Variants in AHCY observed in about 807,000 individuals in gnomAD.
The protein encoded by AHCY is S-adenosyl-L-homocysteine hydrolase.
AHCY carries 24 observed loss-of-function variants against 45.4 expected under a neutral mutation model. That is an observed-to-expected ratio of 0.53 (90% CI 0.38 to 0.74). AHCY has a LOEUF of 0.74. Ranked by LOEUF, AHCY falls within the 30% of genes least tolerant of loss-of-function variation. The probability of loss-of-function intolerance (pLI) is 0.00; values close to 1 mark genes in which losing one functional copy is unlikely to be tolerated. For missense variants in AHCY, 449 were observed against 594.1 expected (o/e 0.76, Z 2.54); for synonymous variants, 245 against 235.1 (o/e 1.04, Z -0.39).
At chr20:34,287,174 T>C (rs575112612) in intron 8 of AHCY, among the ~76,000 whole-genome samples, 12 of 152,254 alleles carry the variant, frequency 7.9e-5, no homozygotes, top group Admixed American at 2.0e-4. Flanking sequence ...CCATCAGGCA[T>C]TGATTGATGC....
chr20:34,287,451 T>C (rs2036226300), intron 8 of AHCY, among the ~76,000 whole-genome samples: 1 of 147,530 alleles, frequency 6.8e-6, no homozygotes, highest in South Asian at 2.2e-4. Context: ...AGTACAGTGG[T>C]GTGATCTCAG....
chr20:34,278,455 C>T (rs2035929809), downstream of AHCY, among the ~76,000 whole-genome samples: 1 of 152,156 alleles, frequency 6.6e-6, no homozygotes, highest in African/African-American at 2.4e-5. Context: ...ACCTCTCTGG[C>T]TTAGAAGAAC....
Position 34,280,874 on chromosome 20 carries a change from T to A in AHCY, c.*160A>T. On this transcript the variant is annotated 3_prime_UTR_variant, in exon 10 of 10. Coordinates refer to ENST00000217426, the MANE Select transcript of AHCY (RefSeq NM_000687.4). ...TCCCGCTGCCACATTTGGAACAGTA[T>A]GACGGCTGCAGCAGAGGCCAAAAAC... is the stretch of plus-strand genomic sequence containing the variant. The A allele has an allele frequency of 9.1e-7, 1 of 1,095,972 alleles. No individual in the cohort carries two copies. Among genetic ancestry groups the A allele is most frequent in the Non-Finnish European group, 1.3e-6 (1 of 755,034 alleles). 67.9% of individuals were successfully genotyped at this position (1,095,972 alleles called of 1,614,324 possible).
intron 3 of AHCY, chr20:34,293,844 G>A (rs1004523815): frequency 1.7e-6 from 1 of 585,258 alleles, no homozygotes; most frequent in Middle Eastern, 3.9e-4. Flanking sequence ...CCAATCATAA[G>A]ATCTTGCTCT....
downstream of AHCY, among the ~76,000 whole-genome samples, chr20:34,279,987 G>A (rs1276052663): frequency 1.3e-5 from 2 of 152,126 alleles, no homozygotes; most frequent in East Asian, 1.9e-4. Flanking sequence ...AACTACTCAG[G>A]AGGCTGAGGC....
chr20:34,253,364 C>G, the AHCY span, among the ~76,000 whole-genome samples: 1 of 151,880 alleles, frequency 6.6e-6, no homozygotes, highest in African/African-American at 2.4e-5. Context: ...CCTCAGCCTC[C>G]CAAAGTGCTG....
At position 34,280,754 on chromosome 20, in the gene AHCY, G is replaced by A. The variant is rs1304966236; in HGVS notation, c.*280C>T. 1 of 488,978 alleles carries A rather than the reference G, an allele frequency of 2.0e-6. No individual in the cohort carries two copies. Among genetic ancestry groups the A allele is most frequent in the East Asian group, 4.0e-5 (1 of 25,192 alleles). The allele number at this position is 488,978 out of a possible 1,614,324, so 30.3% of individuals were successfully genotyped here. A position where few individuals can be genotyped will look rare whatever the true frequency, so the allele number is the denominator to read the frequency against. Reference sequence around the variant, plus strand: ...CACTACTGACTTCCAGGCTAAGGAAGGACTGACTTAGTGAGCTGTTCCAAG... The same window carrying A: ...CACTACTGACTTCCAGGCTAAGGAAAGACTGACTTAGTGAGCTGTTCCAAG... On this transcript the variant is annotated 3_prime_UTR_variant, in exon 10 of 10. Coordinates refer to ENST00000217426, the MANE Select transcript of AHCY (RefSeq NM_000687.4).
chr20:34,273,973 A>C, the AHCY span, among the ~76,000 whole-genome samples: 2 of 59,294 alleles, frequency 3.4e-5, no homozygotes, highest in Non-Finnish European at 6.8e-5. Context: ...GGGAGGTGGC[A>C]CCTTCTAATG....
At chr20:34,260,447 C>G in the AHCY span, 2 of 1,614,176 alleles carry the variant, frequency 1.2e-6, no homozygotes, top group Non-Finnish European at 1.7e-6. Flanking sequence ...CAGCCACCTG[C>G]CACCTGAGGA....
the AHCY span, among the ~76,000 whole-genome samples, chr20:34,235,837 GAA>G: frequency 1.5e-4 from 9 of 59,750 alleles, no homozygotes; most frequent in African/African-American, 1.8e-3. Context: ...AAGAAAGAAA[GAA>G]AGAAGGAAGG....
the AHCY span, among the ~76,000 whole-genome samples, chr20:34,258,085 A>G: frequency 6.6e-6 from 1 of 152,112 alleles, no homozygotes; most frequent in Admixed American, 6.6e-5. Context: ...CAGAGGTTGC[A>G]GTAAGCCAAG....
At chr20:34,256,331 T>A in the AHCY span, among the ~76,000 whole-genome samples, 1 of 152,198 alleles carries the variant, frequency 6.6e-6, no homozygotes, top group African/African-American at 2.4e-5. Context: ...GCCTTGGTGG[T>A]AGTGGTCCCC....
upstream of AHCY, among the ~76,000 whole-genome samples, chr20:34,307,725 G>A (rs945153533): frequency 6.6e-6 from 1 of 152,222 alleles, no homozygotes; most frequent in East Asian, 1.9e-4. Flanking sequence ...AAAATAAAAG[G>A]TTTAATTACA....
intron 1 of AHCY, chr20:34,302,421 G>A (rs1443522209): frequency 5.5e-6 from 1 of 182,868 alleles, no homozygotes; most frequent in Admixed American, 6.5e-5. Flanking sequence ...TGCGCTCAGA[G>A]ATCTAGATGG....
At chr20:34,302,490 T>TCAGA in intron 1 of AHCY, 1 of 618,148 alleles carries the variant, frequency 1.6e-6, no homozygotes, top group Non-Finnish European at 2.0e-6. Context: ...AAGTTACCTC[T>TCAGA]GCCTCAGGAT....
At chr20:34,262,705 C>A in the AHCY span, 1 of 990,604 alleles carries the variant, frequency 1.0e-6, no homozygotes, top group Non-Finnish European at 1.6e-6. Context: ...CAGTGTGACT[C>A]ATCCAGCACG....
At position 34,280,346 on chromosome 20, in the gene AHCY, C is replaced by G. The variant is rs1394048581; in HGVS notation, c.*688G>C. ...TAGGCCAAATTATTCTCTTTTTGACCCAGGGTTGTGAAAGGAACCATCTGG... is the reference window on the plus strand; with the variant it reads ...TAGGCCAAATTATTCTCTTTTTGACGCAGGGTTGTGAAAGGAACCATCTGG... On this transcript the variant is annotated 3_prime_UTR_variant, in exon 10 of 10. Coordinates refer to ENST00000217426, the MANE Select transcript of AHCY (RefSeq NM_000687.4). 1 of 152,368 alleles carries G rather than the reference C, an allele frequency of 6.6e-6. No homozygotes were observed. Among genetic ancestry groups the G allele is most frequent in the African/African-American group, 2.4e-5 (1 of 41,398 alleles). The allele number at this position is 152,368 out of a possible 1,614,324, so 9.4% of individuals were successfully genotyped here. A position where few individuals can be genotyped will look rare whatever the true frequency, so the allele number is the denominator to read the frequency against.
the AHCY span, among the ~76,000 whole-genome samples, chr20:34,253,428 C>A: frequency 1.5e-5 from 2 of 136,364 alleles, no homozygotes; most frequent in Non-Finnish European, 3.0e-5. Context: ...CTTTTCCCTA[C>A]GCTCTTATTT....
At chr20:34,259,503 ACT>A in the AHCY span, among the ~76,000 whole-genome samples, 1 of 151,548 alleles carries the variant, frequency 6.6e-6, no homozygotes, top group South Asian at 2.1e-4. Flanking sequence ...ACAGAGCAAG[ACT>A]CTGTCTCAAA....
Sources: gnomAD v4.1 joint callset for allele counts (sites outside exome capture counted in the v4.1 genomes callset) on GRCh38, gnomAD v4.1.1 for gene constraint, MANE v1.5 for transcripts, NCBI Gene and HGNC (gene_info 2026-07-23, HGNC 2026-07-21) for gene names.